The following SNAP47 variants were observed in gnomAD, a reference collection of about 807,000 sequenced individuals.
SNAP47 encodes synaptosome associated protein 47, also known as synaptosomal-associated protein 47.
In SNAP47, 20 loss-of-function variants were observed where a neutral mutation model predicts 31.4. That is an observed-to-expected ratio of 0.64 (90% CI 0.45 to 0.93). The LOEUF is 0.93. Among genes scored for constraint, SNAP47 ranks in the 40% least tolerant of loss-of-function variants. The pLI is 0.00. For synonymous variants in SNAP47, 194 were observed against 213.4 expected (o/e 0.91, Z 0.79); for missense variants, 492 against 528.5 (o/e 0.93, Z 0.68).
upstream of SNAP47, among the ~76,000 whole-genome samples, chr1:227,730,204 G>A (rs1660550679): frequency 6.6e-6 from 1 of 152,216 alleles, no homozygotes; most frequent in Admixed American, 6.5e-5. Context: ...TACCCCAGGA[G>A]GTTGGTTCCC....
rs117356349 is a variant in SNAP47, at chr1:227,760,213, C to T, written c.988+728C>T. ...AGGAAGCTCCTGCTGTTGTCTCTGT[C>T]ATCTCCCCTCATTTTGATGTGGGAA... On this transcript the variant is annotated intron_variant, in intron 3 of 4. Transcript: ENST00000617596. Among the ~76,000 whole-genome samples the T allele has an allele frequency of 4.6e-3, 696 of 152,348 alleles. 18 individuals carry two copies. In the South Asian group the frequency reaches 0.055, roughly 12 times the overall value.
intron 4 of SNAP47, among the ~76,000 whole-genome samples, 158 bp from the exon 5 acceptor site, chr1:227,780,369 C>T (rs978284499): frequency 5.3e-5 from 8 of 152,214 alleles, no homozygotes; most frequent in Non-Finnish European, 8.8e-5. Context: ...CATGACCTGA[C>T]CCTGGTGCTG....
intron 1 of SNAP47, chr1:227,735,841 G>T (rs1218799468): frequency 1.8e-6 from 1 of 548,844 alleles, no homozygotes; most frequent in Admixed American, 6.5e-5. Flanking sequence ...CACTTGGAGG[G>T]GATGGAGACG....
rs1224845357 is a variant in SNAP47 at position 227,759,094 on chromosome 1, C to T, written c.597C>T (p.Thr199=). The change falls in exon 3 of 5, where the codon ACC becomes ACT. Residue 199 remains threonine, a synonymous_variant. Transcript: ENST00000617596. ...AGCCCAGGGAAGATGTCTCCATGAC[C>T]AGTTGTGAACCCTTTGGGAAAGAAG... is the stretch of plus-strand genomic sequence containing the variant. ...ETKPREDVSM[T]SCEPFGKEGI... is the part of the protein sequence containing the mutation. 1 of 1,614,146 alleles carries T rather than the reference C, an allele frequency of 6.2e-7. No homozygotes were observed. Among genetic ancestry groups the T allele is most frequent in the South Asian group, 1.1e-5 (1 of 91,076 alleles).
chr1:227,737,671 C>T (rs1661313303), intron 1 of SNAP47, among the ~76,000 whole-genome samples: 1 of 152,094 alleles, frequency 6.6e-6, no homozygotes, highest in African/African-American at 2.4e-5. Flanking sequence ...GAGGTTTACC[C>T]AGGAGAACAG....
At chr1:227,756,475 T>G (rs1200297253) in intron 2 of SNAP47, among the ~76,000 whole-genome samples, 2 of 152,252 alleles carry the variant, frequency 1.3e-5, no homozygotes, top group African/African-American at 4.8e-5. Flanking sequence ...GAAAATCCCC[T>G]GTGCGTGACC....
In SNAP47 at chr1:227,763,503, C is replaced by T. The variant is rs1663192745; in HGVS notation, c.989-3456C>T. Among the ~76,000 whole-genome samples the T allele has an allele frequency of 1.3e-5, 2 of 152,162 alleles. No individual in the cohort carries two copies. The highest frequency in any genetic ancestry group is 1.3e-4 in the Admixed American group (2 of 15,284). The stretch of plus-strand genomic sequence containing the variant: ...GGTGGCTGAGGTTGTCTCTGCAGTT[C>T]GTTAGTGCCAGGCGTCTTTTGAGGC... On this transcript the variant is annotated intron_variant, in intron 3 of 4. Transcript: ENST00000617596. The surrounding 1 kb of genome is among the most constrained non-coding windows in gnomAD (Gnocchi z 4.2).
intron 4 of SNAP47, among the ~76,000 whole-genome samples, chr1:227,777,376 T>TG (rs1664225208): frequency 6.6e-6 from 1 of 152,074 alleles, no homozygotes; most frequent in Non-Finnish European, 1.5e-5. Flanking sequence ...AGGCGTCTTG[T>TG]GGGGAAGATA....
chr1:227,728,501 T>C (rs1044673539), upstream of SNAP47: 3 of 100,960 alleles, frequency 3.0e-5, no homozygotes, highest in Non-Finnish European at 6.0e-5. Context: ...CACCTGGCTC[T>C]CCCGCCCCGG....
At chr1:227,748,314 C>T in intron 2 of SNAP47, 81 bp downstream of exon 2, 1 of 1,395,230 alleles carries the variant, frequency 7.2e-7, no homozygotes, top group Non-Finnish European at 9.5e-7. Flanking sequence ...CTGTTCCAGG[C>T]CACTGCACCA....
At chr1:227,770,789 A>G (rs577578586) in intron 4 of SNAP47, 1 of 152,848 alleles carries the variant, frequency 6.5e-6, no homozygotes, top group East Asian at 1.9e-4. Flanking sequence ...TAATCAGTGT[A>G]TGACCGCCCT....
chr1:227,760,141 C>G (rs984334474), intron 3 of SNAP47, among the ~76,000 whole-genome samples: 7 of 152,312 alleles, frequency 4.6e-5, no homozygotes, highest in Non-Finnish European at 1.0e-4. Context: ...GATGCAGAAC[C>G]TGCTACGACA....
intron 4 of SNAP47, among the ~76,000 whole-genome samples, chr1:227,774,158 C>T (rs566196679): frequency 1.3e-5 from 2 of 152,278 alleles, no homozygotes; most frequent in Admixed American, 6.5e-5. Context: ...TGGGCTCCTG[C>T]GGTTGTAGGT....
Position 227,744,508 on chromosome 1 carries a change from T to C in SNAP47, c.-45-3184T>C, listed in dbSNP as rs559126378. 2.2e-4 allele frequency among the ~76,000 whole-genome samples: 34 copies of C among 152,208 alleles called. 2 individuals carry two copies. Among genetic ancestry groups the C allele is most frequent in the African/African-American group, 8.2e-4 (34 of 41,522 alleles). ...TTCGCTTTAATGTGGCCCCTTACTTTTGTATATATTGAGCACATTGCAAGT... is the reference window on the plus strand; with the variant it reads ...TTCGCTTTAATGTGGCCCCTTACTTCTGTATATATTGAGCACATTGCAAGT... On this transcript the variant is annotated intron_variant, in intron 1 of 4. Coordinates refer to ENST00000617596, the MANE Select transcript of SNAP47 (RefSeq NM_053052.4).
chr1:227,733,345 T>G (rs1571962980), upstream of SNAP47: 4 of 1,468,128 alleles, frequency 2.7e-6, no homozygotes, highest in Non-Finnish European at 2.7e-6. Flanking sequence ...GCTGGGAGAG[T>G]GGGGAGGTGG....
chr1:227,735,129 A>T (rs1365983730), upstream of SNAP47: 10 of 1,579,822 alleles, frequency 6.3e-6, no homozygotes, highest in Non-Finnish European at 8.6e-6. Flanking sequence ...TTGGGCAGCA[A>T]GAAGCCCCGC....
chr1:227,752,741 C>G (rs889651884), intron 2 of SNAP47, among the ~76,000 whole-genome samples: 6 of 152,196 alleles, frequency 3.9e-5, no homozygotes, highest in African/African-American at 1.2e-4. Context: ...GACTTGTTTT[C>G]AAAGATCACC....
At chr1:227,732,750 C>T, upstream of SNAP47, 3 of 1,592,986 alleles carry the variant, frequency 1.9e-6, no homozygotes, top group Non-Finnish European at 2.6e-6. Context: ...GACATGCGCC[C>T]AGTCCCCAAG....
chr1:227,737,060 G>T (rs1661258623), intron 1 of SNAP47, among the ~76,000 whole-genome samples: 2 of 152,250 alleles, frequency 1.3e-5, no homozygotes, highest in South Asian at 4.1e-4. Context: ...TTGGGTTGAA[G>T]CCTGGTGGGG....
Sources: gnomAD v4.1 joint callset for allele counts (sites outside exome capture counted in the v4.1 genomes callset) on GRCh38, gnomAD v4.1.1 for gene constraint, Gnocchi (gnomAD v3.1) non-coding constraint, MANE v1.5 for transcripts, NCBI Gene and HGNC (gene_info 2026-07-23, HGNC 2026-07-21) for gene names.